The following EML5 variants were observed in gnomAD, a reference collection of about 807,000 sequenced individuals.
EML5 encodes the protein echinoderm microtubule-associated protein-like 5.
A neutral mutation model predicts 250.0 loss-of-function variants in EML5; 120 were observed. The observed-to-expected ratio is 0.48, with a 90% CI of 0.41 to 0.56. The LOEUF (loss-of-function observed/expected upper bound fraction) is 0.56, where lower values mean the gene tolerates loss of function less well. Among genes scored for constraint, EML5 ranks in the 20% least tolerant of loss-of-function variants. The pLI, the probability that EML5 is intolerant of heterozygous loss-of-function variation, is 0.00. For synonymous variants in EML5, 771 were observed against 806.5 expected, an observed-to-expected ratio of 0.96 and a Z score of 0.75; for missense variants, 2,006 against 2,437.6, an observed-to-expected ratio of 0.82 and a Z score of 3.73.
chr14:88,719,875 A>G (rs1328029344), intron 8 of EML5, among the ~76,000 whole-genome samples: 3 of 152,150 alleles, frequency 2.0e-5, no homozygotes, highest in Non-Finnish European at 4.4e-5. Context: ...AATTAATAAA[A>G]TAAATAGACT....
intron 1 of EML5, among the ~76,000 whole-genome samples, chr14:88,778,442 A>G (rs2094467070): frequency 6.6e-6 from 1 of 152,192 alleles, no homozygotes; most frequent in Admixed American, 6.5e-5. Context: ...TATATTGACA[A>G]TTCTGTTATT....
At chr14:88,641,343 T>C (rs1007087412) in intron 31 of EML5, among the ~76,000 whole-genome samples, 1 of 151,958 alleles carries the variant, frequency 6.6e-6, no homozygotes, top group African/African-American at 2.4e-5. Flanking sequence ...CATAGAAAAC[T>C]ACAAAACATC....
intron 4 of EML5, 100 bp downstream of exon 4, chr14:88,743,923 T>C (rs1434669776): frequency 3.2e-6 from 2 of 618,254 alleles, no homozygotes; most frequent in Non-Finnish European, 5.1e-6. Flanking sequence ...AAATAAGTAC[T>C]ATCAAAATTC....
chr14:88,649,952 A>G (rs2091541556), intron 27 of EML5, 26 bp from the exon 28 acceptor site: 2 of 1,463,490 alleles, frequency 1.4e-6, no homozygotes, highest in Non-Finnish European at 9.0e-7. Context: ...GGGGGAAAAA[A>G]GTAGGAAAAC....
intron 12 of EML5, 127 bp from the exon 13 acceptor site, chr14:88,705,105 G>C (rs1566666825): frequency 3.2e-6 from 2 of 634,168 alleles, no homozygotes; most frequent in Non-Finnish European, 5.2e-6. Flanking sequence ...TAAATGAAAA[G>C]TTAATTCATG....
intron 17 of EML5, 38 bp from the exon 18 acceptor site, chr14:88,688,511 A>T: frequency 6.3e-7 from 1 of 1,585,544 alleles, no homozygotes. Context: ...ACCACTTTCA[A>T]AATGTACTCA....
chr14:88,742,207 T>G (rs2093934710), intron 4 of EML5, among the ~76,000 whole-genome samples: 1 of 152,040 alleles, frequency 6.6e-6, no homozygotes, highest in Admixed American at 6.6e-5. Context: ...TGTTCTAGAA[T>G]CCAAATCAAT....
chr14:88,708,422 G>A (rs547116603), intron 10 of EML5, among the ~76,000 whole-genome samples: 1 of 152,276 alleles, frequency 6.6e-6, no homozygotes, highest in African/African-American at 2.4e-5. Context: ...AAAGACAGCA[G>A]TGGTGTCTTG....
At chr14:88,783,190 G>A (rs1326250017) in intron 1 of EML5, among the ~76,000 whole-genome samples, 2 of 152,254 alleles carry the variant, frequency 1.3e-5, no homozygotes, top group African/African-American at 4.8e-5. Flanking sequence ...CTAGGGAAGT[G>A]CATAAAGGAA....
rs781369283 is a variant in EML5 at position 88,621,333 on chromosome 14, G to A, written c.5014-32C>T. The A allele has an allele frequency of 5.0e-6, 8 of 1,609,060 alleles. No individual in the cohort carries two copies. The South Asian group carries it at 7.7e-5, about 15-fold the overall frequency. ...CACAAGCAGGACCAATACAGTGAAT[G>A]TAATACAACAGCTGCTTTTCTTCTT... On this transcript the variant is annotated intron_variant, in intron 37 of 43. Transcript: ENST00000554922.
intron 40 of EML5, 42 bp from the exon 41 acceptor site, chr14:88,618,373 G>A (rs778842649): frequency 6.4e-6 from 10 of 1,557,408 alleles, no homozygotes; most frequent in Non-Finnish European, 8.8e-6. Context: ...TCCATTAGGT[G>A]AGAGACAAAA....
chr14:88,663,760 C>T (rs2092213031), intron 23 of EML5, among the ~76,000 whole-genome samples: 1 of 151,026 alleles, frequency 6.6e-6, no homozygotes, highest in Non-Finnish European at 1.5e-5. Context: ...GTCTCAAACT[C>T]CTGGGCTCAA....
intron 20 of EML5, among the ~76,000 whole-genome samples, chr14:88,682,631 G>A (rs778367224): frequency 6.6e-5 from 10 of 152,008 alleles, no homozygotes; most frequent in Non-Finnish European, 1.3e-4. Context: ...CCCAGCTCGC[G>A]GTCAGAGCAC....
intron 1 of EML5, among the ~76,000 whole-genome samples, chr14:88,791,326 A>C (rs1321553531): frequency 6.6e-6 from 1 of 152,214 alleles, no homozygotes; most frequent in East Asian, 1.9e-4. Flanking sequence ...CAAATCGTAG[A>C]ATCTTTGATA....
chr14:88,712,625 A>G, intron 9 of EML5, 142 bp from the exon 10 acceptor site: 1 of 605,896 alleles, frequency 1.7e-6, no homozygotes, highest in Non-Finnish European at 2.8e-6. Context: ...ATAGGTAGAT[A>G]AGTTTGGGTT....
chr14:88,666,972 G>A (rs368142940), intron 21 of EML5, among the ~76,000 whole-genome samples: 10 of 152,016 alleles, frequency 6.6e-5, no homozygotes, highest in African/African-American at 2.2e-4. Context: ...AGCAGTGGAG[G>A]TGATAAGAGG....
intron 7 of EML5, 98 bp from the exon 8 acceptor site, chr14:88,726,776 T>A: frequency 1.2e-6 from 1 of 847,684 alleles, no homozygotes; most frequent in Non-Finnish European, 1.7e-6. Context: ...AAGATAAATC[T>A]AGATATCTTA....
intron 27 of EML5, among the ~76,000 whole-genome samples, chr14:88,651,154 C>A (rs377472523): frequency 2.1e-5 from 2 of 93,148 alleles, no homozygotes; most frequent in Non-Finnish European, 4.1e-5. Context: ...TTGTCATTTT[C>A]TTTTTTTTTT....
intron 28 of EML5, 123 bp from the exon 29 acceptor site, chr14:88,647,078 A>C: frequency 2.4e-6 from 2 of 841,846 alleles, no homozygotes; most frequent in South Asian, 2.1e-5. Context: ...ATATTGCATA[A>C]TATTAAAGGC....
Sources: gnomAD v4.1 joint callset for allele counts (sites outside exome capture counted in the v4.1 genomes callset) on GRCh38, gnomAD v4.1.1 for gene constraint, MANE v1.5 for transcripts, NCBI Gene and HGNC (gene_info 2026-07-23, HGNC 2026-07-21) for gene names.